Variants in NIM1K observed in about 807,000 individuals in gnomAD.
NIM1K encodes serine/threonine-protein kinase NIM1.
A neutral mutation model predicts 37.1 loss-of-function variants in NIM1K; 35 were observed. The observed-to-expected ratio is 0.94, with a 90% CI of 0.72 to 1.25. The LOEUF is 1.25. Among genes scored for constraint, NIM1K ranks in the 50% most tolerant of loss-of-function variants. The pLI is 0.00. For synonymous variants in NIM1K, 234 were observed against 206.6 expected (o/e 1.13, Z -1.14); for missense variants, 564 against 548.0 (o/e 1.03, Z -0.29).
In NIM1K at chr5:43,240,941, G is replaced by T. The variant is rs138383890; in HGVS notation, c.-694-4141G>T. 2.1e-3 allele frequency among the ~76,000 whole-genome samples: 324 copies of T among 152,042 alleles called. 11 individuals are homozygous for T. The highest frequency in any genetic ancestry group is 7.4e-3 in the African/African-American group (307 of 41,340). On this transcript the variant is annotated intron_variant, in intron 1 of 3. Transcript: ENST00000326035. Reference sequence around the variant, plus strand: ...CTTTTTCACATCCATCTTTATGTCAGAAATACACATCTTTGCACATGTGTG... The same window carrying T: ...CTTTTTCACATCCATCTTTATGTCATAAATACACATCTTTGCACATGTGTG...
chr5:43,203,477 C>T (rs1208366925), intron 1 of NIM1K, among the ~76,000 whole-genome samples: 1 of 152,198 alleles, frequency 6.6e-6, no homozygotes, highest in Non-Finnish European at 1.5e-5. Flanking sequence ...TTGTACCTCA[C>T]TTCCATTTTC....
chr5:43,206,490 A>G (rs1292157421), intron 1 of NIM1K, among the ~76,000 whole-genome samples: 1 of 120,238 alleles, frequency 8.3e-6, no homozygotes, highest in African/African-American at 3.1e-5. Flanking sequence ...ACAGAGTGAG[A>G]CCCTGCCTCA....
intron 1 of NIM1K, chr5:43,207,745 C>A: frequency 6.4e-6 from 3 of 467,816 alleles, no homozygotes; most frequent in Middle Eastern, 8.0e-4. Context: ...CAAAGGAGAT[C>A]GTCTGTGTCC....
At chr5:43,202,328 T>C (rs1752042712) in intron 1 of NIM1K, among the ~76,000 whole-genome samples, 1 of 152,112 alleles carries the variant, frequency 6.6e-6, no homozygotes, top group South Asian at 2.1e-4. Flanking sequence ...GGATTATAGG[T>C]GTAAGCCACT....
At chr5:43,224,365 C>T (rs13154563) in intron 1 of NIM1K, among the ~76,000 whole-genome samples, 64,618 of 151,242 alleles carry the variant, frequency 0.43, 14,746 homozygotes, top group Non-Finnish European at 0.5. Flanking sequence ...CGCTTGAACC[C>T]GGGAGGCAGA....
intron 2 of NIM1K, among the ~76,000 whole-genome samples, chr5:43,270,239 AT>A (rs1753235232): frequency 6.6e-6 from 1 of 152,158 alleles, no homozygotes; most frequent in Non-Finnish European, 1.5e-5. Flanking sequence ...AATGACATAA[AT>A]GTGTGATGAT....
At chr5:43,231,272 TCATTACTGCAGTC>T (rs1190849953) in intron 1 of NIM1K, among the ~76,000 whole-genome samples, 1 of 152,214 alleles carries the variant, frequency 6.6e-6, no homozygotes, top group Non-Finnish European at 1.5e-5. Context: ...AGCCATCCTC[TCATTACTGCAGTC>T]CAGCCTGAGT....
intron 2 of NIM1K, among the ~76,000 whole-genome samples, chr5:43,261,552 T>C (rs948763571): frequency 2.6e-5 from 4 of 152,180 alleles, no homozygotes; most frequent in East Asian, 3.8e-4. Flanking sequence ...TCTCCCATTC[T>C]GTAGGTTGCC....
At position 43,245,653 on chromosome 5, in the gene NIM1K, G is replaced by C. The variant is rs1752766023; in HGVS notation, c.-123G>C. The C allele has an allele frequency of 2.1e-6, 2 of 939,214 alleles. No individual in the cohort carries two copies. The highest frequency in any genetic ancestry group is 3.2e-6 in the Non-Finnish European group (2 of 631,424). The allele number at this position is 939,214 out of a possible 1,614,324, so 58.2% of individuals were successfully genotyped here. ...CGAGAGGGAGGCTGCTCAGCTCTCA[G>C]GAAAACTCTTTTGAACCCTGGGCAC... On this transcript the variant is annotated 5_prime_UTR_variant, in exon 2 of 4. Transcript: ENST00000326035.
At chr5:43,269,609 G>A (rs1035552449) in intron 2 of NIM1K, among the ~76,000 whole-genome samples, 1 of 151,336 alleles carries the variant, frequency 6.6e-6, no homozygotes, top group Non-Finnish European at 1.5e-5. Flanking sequence ...GTGTGTTATT[G>A]TTTTTATTTT....
chr5:43,195,661 CAAAA>C lies in NIM1K; in HGVS notation c.-695+3266_-695+3269del, dbSNP rs10556161. 7.6e-4 allele frequency among the ~76,000 whole-genome samples: 85 copies of C among 112,042 alleles called. 2 individuals carry two copies. In the South Asian group the frequency reaches 0.016, roughly 22 times the overall value. The allele number at this position is 112,042 out of a possible 152,430, so 73.5% of individuals were successfully genotyped here. Reference sequence around the variant, plus strand: ...GGGAGACACAGAAAGACTCTGAATCCAAAAAAAAAAAAAAAAAAAGTGATTTCAG... The same window carrying C: ...GGGAGACACAGAAAGACTCTGAATCCAAAAAAAAAAAAAAAGTGATTTCAG... On this transcript the variant is annotated intron_variant, in intron 1 of 3. Coordinates refer to ENST00000326035, the MANE Select transcript of NIM1K (RefSeq NM_153361.4).
At chr5:43,232,645 T>C in intron 1 of NIM1K, 1 of 1,550,968 alleles carries the variant, frequency 6.4e-7, no homozygotes, top group South Asian at 1.2e-5. Flanking sequence ...TGTGGAAACC[T>C]GGGGTGGTGA....
intron 1 of NIM1K, among the ~76,000 whole-genome samples, chr5:43,220,989 C>G (rs1752372878): frequency 6.6e-6 from 1 of 152,094 alleles, no homozygotes; most frequent in Non-Finnish European, 1.5e-5. Context: ...TCTCCTGGAA[C>G]AGTGTCTGCC....
At chr5:43,196,367 G>A (rs757037790) in intron 1 of NIM1K, among the ~76,000 whole-genome samples, 1 of 152,100 alleles carries the variant, frequency 6.6e-6, no homozygotes, top group Non-Finnish European at 1.5e-5. Context: ...GGTGGCTTAC[G>A]CCTGTAATCC....
At chr5:43,198,947 A>G (rs11750864) in intron 1 of NIM1K, among the ~76,000 whole-genome samples, 41,322 of 151,580 alleles carry the variant, frequency 0.27, 5,969 homozygotes, top group Middle Eastern at 0.4. Flanking sequence ...CCAGCACTTT[A>G]GGAGGCCAAG....
At chr5:43,227,696 A>T (rs7700772) in intron 1 of NIM1K, among the ~76,000 whole-genome samples, 67,302 of 152,096 alleles carry the variant, frequency 0.44, 15,657 homozygotes, top group Non-Finnish European at 0.5. Flanking sequence ...ATGAGTTTTT[A>T]AAAAATTTAT....
At chr5:43,198,273 C>G (rs1224950749) in intron 1 of NIM1K, among the ~76,000 whole-genome samples, 4 of 134,842 alleles carry the variant, frequency 3.0e-5, no homozygotes, top group African/African-American at 1.1e-4. Context: ...CTTTCTTTCT[C>G]TCTTTCTCTC....
intron 3 of NIM1K, among the ~76,000 whole-genome samples, chr5:43,277,744 TTCTC>T (rs139332282): frequency 8.1e-5 from 12 of 148,014 alleles, no homozygotes; most frequent in African/African-American, 3.0e-4. Context: ...CCCAGCTTGG[TTCTC>T]TCTCTCTCTC....
At chr5:43,240,925 A>G (rs1457428866) in intron 1 of NIM1K, among the ~76,000 whole-genome samples, 1 of 151,894 alleles carries the variant, frequency 6.6e-6, no homozygotes, top group Non-Finnish European at 1.5e-5. Context: ...TCTTTTTCAC[A>G]TCCATCTTTA....
Sources: allele counts gnomAD v4.1 joint callset (sites outside exome capture counted in the v4.1 genomes callset), GRCh38; gene constraint gnomAD v4.1.1; transcripts MANE v1.5; gene names NCBI Gene and HGNC (gene_info 2026-07-23, HGNC 2026-07-21).